IL16: variants seen among roughly 807,000 people sequenced by gnomAD.
The protein encoded by IL16 is pro-interleukin-16.
In IL16, 67 loss-of-function variants were observed where a neutral mutation model predicts 110.1. The observed-to-expected ratio is 0.61, with a 90% confidence interval of 0.50 to 0.75. IL16 has a LOEUF of 0.75. IL16 is among the 30% of genes least tolerant of loss of function. The probability of loss-of-function intolerance (pLI) is 0.00; values close to 1 mark genes in which losing one functional copy is unlikely to be tolerated. For synonymous variants in IL16, 689 were observed against 662.9 expected (o/e 1.04, Z -0.61); for missense variants, 1,545 against 1,655.0 (o/e 0.93, Z 1.15).
At chr15:81,202,732 C>G (rs984051884) in intron 1 of IL16, among the ~76,000 whole-genome samples, 2 of 152,160 alleles carry the variant, frequency 1.3e-5, no homozygotes, top group Non-Finnish European at 2.9e-5. Context: ...CATTGTTGGA[C>G]ATTTAGGTTG....
chr15:81,187,154 T>C (rs1595930668), intron 1 of IL16, among the ~76,000 whole-genome samples: 1 of 152,212 alleles, frequency 6.6e-6, no homozygotes, highest in Non-Finnish European at 1.5e-5. Context: ...CTTGACTTCA[T>C]CATACATCTA....
At chr15:81,230,038 G>A (rs147425212) in intron 2 of IL16, among the ~76,000 whole-genome samples, 188 of 152,262 alleles carry the variant, frequency 1.2e-3, no homozygotes, top group Non-Finnish European at 2.1e-3. Flanking sequence ...AATGCCCCAG[G>A]ATGTGCCAAA....
intron 1 of IL16, among the ~76,000 whole-genome samples, chr15:81,208,461 G>A (rs1463170244): frequency 6.6e-6 from 1 of 152,046 alleles, no homozygotes; most frequent in East Asian, 1.9e-4. Flanking sequence ...AGAGTAGCTG[G>A]GATTACAGGT....
intron 13 of IL16, among the ~76,000 whole-genome samples, chr15:81,298,976 C>T (rs919924513): frequency 7.9e-5 from 12 of 152,216 alleles, no homozygotes; most frequent in Non-Finnish European, 1.3e-4. Flanking sequence ...TTGGCTTTTA[C>T]ACATTTAACA....
At chr15:81,204,344 A>T (rs1895932318) in intron 1 of IL16, among the ~76,000 whole-genome samples, 1 of 152,028 alleles carries the variant, frequency 6.6e-6, no homozygotes, top group South Asian at 2.1e-4. Context: ...CCCTGGCCAG[A>T]ACTTCCAACA....
chr15:81,243,164 T>TATATATATACATA (rs60077602), intron 2 of IL16, among the ~76,000 whole-genome samples: 1 of 15,774 alleles, frequency 6.3e-5, no homozygotes, highest in East Asian at 1.3e-3. Context: ...TATATATATA[T>TATATATATACATA]TTTTTTTTTT....
At chr15:81,245,015 A>G (rs1443613376) in intron 2 of IL16, among the ~76,000 whole-genome samples, 1 of 152,032 alleles carries the variant, frequency 6.6e-6, no homozygotes, top group Non-Finnish European at 1.5e-5. Context: ...GATTCTTCAT[A>G]TCTTCTATTT....
intron 5 of IL16, among the ~76,000 whole-genome samples, chr15:81,272,599 G>A (rs568506871): frequency 1.3e-3 from 192 of 152,294 alleles, no homozygotes; most frequent in African/African-American, 4.5e-3. Flanking sequence ...GAAGGCCTTT[G>A]GTGGGAGAAG....
At chr15:81,297,679 G>C (rs1412745198) in intron 13 of IL16, among the ~76,000 whole-genome samples, 2 of 152,152 alleles carry the variant, frequency 1.3e-5, no homozygotes, top group Non-Finnish European at 2.9e-5. Flanking sequence ...TCTGAGCCCA[G>C]ATTCACTCAT....
chr15:81,283,227 C>T (rs1487659979), intron 9 of IL16, among the ~76,000 whole-genome samples: 1 of 152,172 alleles, frequency 6.6e-6, no homozygotes, highest in Non-Finnish European at 1.5e-5. Flanking sequence ...TGAGAAATTC[C>T]AGGGCTGGGC....
At chr15:81,289,350 G>C (rs1899601320) in intron 10 of IL16, among the ~76,000 whole-genome samples, 1 of 152,096 alleles carries the variant, frequency 6.6e-6, no homozygotes, top group African/African-American at 2.4e-5. Flanking sequence ...GGTCAGCCTG[G>C]TCTCGAACTC....
intron 2 of IL16, among the ~76,000 whole-genome samples, chr15:81,237,200 G>A (rs1366242595): frequency 6.6e-6 from 1 of 152,122 alleles, no homozygotes; most frequent in Non-Finnish European, 1.5e-5. Flanking sequence ...CTTCAGTGGA[G>A]CATCCGCCAT....
Position 81,306,048 on chromosome 15 carries a change from G to C in IL16, c.3561G>C (p.Glu1187Asp). The C allele has an allele frequency of 6.2e-7, 1 of 1,614,222 alleles. No individual in the cohort carries two copies. Among genetic ancestry groups the C allele is most frequent in the East Asian group, 2.2e-5 (1 of 44,888 alleles). The change falls in exon 17 of 19, where the codon GAG becomes GAC. Residue 1187 changes from glutamate to aspartate, a missense_variant. By Grantham distance (45) the Glu-to-Asp change is conservative. Transcript: ENST00000683961. ...TGGCCATCCTCCGCCAAGCTCGAGA[G>C]CCCAGGCAAGCTGTGATTGTCACAA... Reference protein sequence around the residue: ...DALAILRQAREPRQAVIVTRK... With the variant: ...DALAILRQARDPRQAVIVTRK...
chr15:81,208,429 C>T (rs540662178), intron 1 of IL16, among the ~76,000 whole-genome samples: 10 of 152,292 alleles, frequency 6.6e-5, no homozygotes, highest in African/African-American at 1.9e-4. Context: ...CAGGTTCCAG[C>T]GATTCTCTTG....
intron 1 of IL16, among the ~76,000 whole-genome samples, chr15:81,199,529 C>T (rs765047111): frequency 6.6e-5 from 10 of 152,144 alleles, no homozygotes; most frequent in African/African-American, 9.7e-5. Context: ...GCTGGGATCC[C>T]GCGTGGAGAT....
Position 81,279,610 on chromosome 15 carries a change from C to T in IL16, c.917C>T (p.Pro306Leu), listed in dbSNP as rs1328546554. ...TLTVRTRLTA[P>L]PSLCSHLSPP... ...ACCGTGAGAACCCGCCTGACGGCGC[C>T]TCCTTCCCTGTGCAGCCACCTGTCT... is the stretch of plus-strand genomic sequence containing the variant. Residue 306 changes from proline (P) to leucine (L), a missense_variant, in exon 8 of 19, where the codon CCT (proline) becomes CTT (leucine). Physicochemically the swap from Pro to Leu is moderately conservative, Grantham distance 98. This residue lies in a region of IL16 where 1,185 missense variants were observed against 1,238.8 expected (regional missense o/e 0.96). Transcript: ENST00000683961. The T allele has an allele frequency of 2.5e-6, 4 of 1,614,022 alleles. No individual in the cohort carries two copies. Among genetic ancestry groups the T allele is most frequent in the Non-Finnish European group, 1.7e-6 (2 of 1,180,028 alleles).
intron 10 of IL16, among the ~76,000 whole-genome samples, chr15:81,288,760 T>C (rs1899567794): frequency 6.6e-6 from 1 of 152,182 alleles, no homozygotes; most frequent in African/African-American, 2.4e-5. Context: ...GTCCTCAAGG[T>C]TCATTTATGT....
At chr15:81,196,247 G>A (rs1390568598), upstream of IL16, among the ~76,000 whole-genome samples, 2 of 152,234 alleles carry the variant, frequency 1.3e-5, no homozygotes, top group Non-Finnish European at 2.9e-5. Flanking sequence ...GGTGGATTTT[G>A]ACTTGCTAAC....
intron 1 of IL16, among the ~76,000 whole-genome samples, chr15:81,200,846 A>G (rs900681572): frequency 2.6e-5 from 4 of 152,132 alleles, no homozygotes; most frequent in Non-Finnish European, 5.9e-5. Context: ...GTCAGCCATA[A>G]GCTCATCTGT....
Sources: gnomAD v4.1 joint callset for allele counts (sites outside exome capture counted in the v4.1 genomes callset) on GRCh38, gnomAD v4.1.1 for gene constraint, gnomAD v4.1.1 regional missense constraint, MANE v1.5 for transcripts, NCBI Gene and HGNC (gene_info 2026-07-23, HGNC 2026-07-21) for gene names.